The following SORL1 variants were observed in gnomAD, a reference collection of about 807,000 sequenced individuals.
SORL1 encodes sortilin related receptor 1.
A neutral mutation model predicts 273.7 loss-of-function variants in SORL1; 127 were observed. That is an observed-to-expected ratio of 0.46 (90% CI 0.40 to 0.54). The LOEUF (loss-of-function observed/expected upper bound fraction) is 0.54. Among genes scored for constraint, SORL1 ranks in the 20% least tolerant of loss-of-function variants. The pLI is 0.00. For missense variants in SORL1, 2,494 were observed against 2,846.1 expected, an observed-to-expected ratio of 0.88 and a Z score of 2.81; for synonymous variants, 1,031 against 1,067.4, an observed-to-expected ratio of 0.97 and a Z score of 0.66.
intron 24 of SORL1, among the ~76,000 whole-genome samples, chr11:121,576,535 A>G (rs1049399396): frequency 6.6e-6 from 1 of 152,270 alleles, no homozygotes; most frequent in South Asian, 2.1e-4. Context: ...CATATGAAGT[A>G]TAAACATTTG....
intron 2 of SORL1, among the ~76,000 whole-genome samples, chr11:121,471,189 G>A (rs567287006): frequency 6.6e-6 from 1 of 152,306 alleles, no homozygotes; most frequent in Non-Finnish European, 1.5e-5. Context: ...AAGGGCCTTT[G>A]GGGACCGGGA....
intron 22 of SORL1, among the ~76,000 whole-genome samples, chr11:121,567,532 G>A (rs943534222): frequency 2.0e-5 from 3 of 152,080 alleles, no homozygotes; most frequent in East Asian, 1.9e-4. Context: ...GACTCCTTCC[G>A]CGTTTACTCT....
At chr11:121,474,087 T>C (rs188828420) in intron 2 of SORL1, among the ~76,000 whole-genome samples, 155 of 152,322 alleles carry the variant, frequency 1.0e-3, no homozygotes, top group African/African-American at 3.5e-3. Context: ...TCAGAACACC[T>C]GGGCTGGAAT....
intron 12 of SORL1, among the ~76,000 whole-genome samples, chr11:121,535,851 C>T (rs1381884437): frequency 2.0e-5 from 3 of 152,092 alleles, no homozygotes; most frequent in Non-Finnish European, 4.4e-5. Context: ...CTTTGTTTTG[C>T]TCTTGTGTCT....
In SORL1 at chr11:121,452,563, C is replaced by G. The variant is rs772358955; in HGVS notation, c.232C>G (p.Arg78Gly). 1 of 1,513,848 alleles carries G rather than the reference C, an allele frequency of 6.6e-7. No individual in the cohort carries two copies. The highest frequency in any genetic ancestry group is 8.8e-7 in the Non-Finnish European group (1 of 1,138,368). The allele number at this position is 1,513,848 out of a possible 1,614,324, so 93.8% of individuals were successfully genotyped here. Residue 78 changes from arginine to glycine, a missense_variant, in exon 1 of 48, where the codon CGG (arginine) becomes GGG (glycine). Coordinates refer to ENST00000260197, the MANE Select transcript of SORL1 (RefSeq NM_003105.6). This position sits in a 1 kb window ranked among gnomAD's most constrained non-coding sequence, Gnocchi z 5.3. ...GAGCCGCGCGGACGAGAAGCCGCTC[C>G]GGAGGAAACGGAGCGCTGCCCTGCA... ...GASRADEKPL[R>G]RKRSAALQPE... is the part of the protein sequence containing the mutation.
chr11:121,625,340 G>T, intron 46 of SORL1, 63 bp downstream of exon 46: 1 of 1,312,416 alleles, frequency 7.6e-7, no homozygotes. Flanking sequence ...AATGTCATAT[G>T]GTTTCATGAC....
At position 121,627,987 on chromosome 11, in the gene SORL1, G is replaced by A. The variant is rs1341593207; in HGVS notation, c.6577+220G>A. On this transcript the variant is annotated intron_variant, in intron 47 of 47. Coordinates refer to ENST00000260197, the MANE Select transcript of SORL1 (RefSeq NM_003105.6). The surrounding 1 kb of genome is among the most constrained non-coding windows in gnomAD (Gnocchi z 4.9). The stretch of plus-strand genomic sequence containing the variant: ...ATGTTGTATTCTCTTTGATTGTGTA[G>A]TTCTGGCCTGAAACAGGGAGCTTGC... Among the ~76,000 whole-genome samples the A allele has an allele frequency of 1.3e-5, 2 of 152,150 alleles. No individual in the cohort carries two copies. Among genetic ancestry groups the A allele is most frequent in the African/African-American group, 4.8e-5 (2 of 41,428 alleles).
At chr11:121,586,757 T>TAGCCCCAGA (rs1863122301) in intron 27 of SORL1, among the ~76,000 whole-genome samples, 1 of 151,522 alleles carries the variant, frequency 6.6e-6, no homozygotes, top group African/African-American at 2.4e-5. Context: ...CAGTTTTCTT[T>TAGCCCCAGA]AGCCCCAGAA....
At chr11:121,585,408 G>A (rs544704770) in intron 26 of SORL1, among the ~76,000 whole-genome samples, 1 of 152,036 alleles carries the variant, frequency 6.6e-6, no homozygotes, top group Non-Finnish European at 1.5e-5. Context: ...GCTTGAGCAC[G>A]GGAGGTGGAG....
At position 121,459,898 on chromosome 11, in the gene SORL1, G is replaced by A. The variant is rs149547954; in HGVS notation, c.285+7282G>A. On this transcript the variant is annotated intron_variant, in intron 1 of 47. Coordinates refer to ENST00000260197, the MANE Select transcript of SORL1 (RefSeq NM_003105.6). ...GCATATAAACCTCCCCCACTTCTTG[G>A]CTGACCTTTTAACTTAGCTTGCCAT... 2.2e-3 allele frequency among the ~76,000 whole-genome samples: 331 copies of A among 152,270 alleles called. 1 individual carries two copies. The highest frequency in any genetic ancestry group is 7.2e-3 in the African/African-American group (299 of 41,548).
chr11:121,488,332 T>C, intron 4 of SORL1, 139 bp downstream of exon 4: 1 of 868,804 alleles, frequency 1.2e-6, no homozygotes, highest in South Asian at 1.7e-5. Flanking sequence ...GTAGCTACTA[T>C]TTCACTTACC....
Position 121,521,581 on chromosome 11 carries a change from T to C in SORL1, c.1404+732T>C, listed in dbSNP as rs138265334. On this transcript the variant is annotated intron_variant, in intron 9 of 47. Coordinates refer to ENST00000260197, the MANE Select transcript of SORL1 (RefSeq NM_003105.6). Reference sequence around the variant, plus strand: ...GAGTTTAGGTGGTGGAAGGAATGTATAGGAAATGGGTAAGTCTGATTACCT... The same window carrying C: ...GAGTTTAGGTGGTGGAAGGAATGTACAGGAAATGGGTAAGTCTGATTACCT... Among the ~76,000 whole-genome samples, 46 of 152,324 alleles carry C rather than the reference T, an allele frequency of 3.0e-4. 1 individual carries two copies. The East Asian group carries it at 8.5e-3, about 28-fold the overall frequency.
intron 21 of SORL1, among the ~76,000 whole-genome samples, chr11:121,564,210 G>A (rs1862720322): frequency 6.6e-6 from 1 of 152,108 alleles, no homozygotes; most frequent in South Asian, 2.1e-4. Flanking sequence ...CATAGGAGTT[G>A]GTGAATTACC....
intron 11 of SORL1, among the ~76,000 whole-genome samples, chr11:121,524,252 C>G (rs1019278554): frequency 6.6e-6 from 1 of 152,194 alleles, no homozygotes; most frequent in Non-Finnish European, 1.5e-5. Context: ...TGCGAATAGG[C>G]CTGTGGTTTG....
intron 1 of SORL1, among the ~76,000 whole-genome samples, chr11:121,456,521 A>G (rs963870082): frequency 1.3e-5 from 2 of 152,254 alleles, no homozygotes; most frequent in African/African-American, 4.8e-5. Flanking sequence ...GAGATGGCTC[A>G]TTCGGTAGTG....
chr11:121,591,556 G>C (rs1405732659), intron 31 of SORL1, among the ~76,000 whole-genome samples: 1 of 152,176 alleles, frequency 6.6e-6, no homozygotes, highest in South Asian at 2.1e-4. Flanking sequence ...CAGCTTGCTA[G>C]TTGGCCGGCC....
chr11:121,485,599 A>T (rs893311733), intron 3 of SORL1, among the ~76,000 whole-genome samples: 1 of 152,220 alleles, frequency 6.6e-6, no homozygotes, highest in African/African-American at 2.4e-5. Context: ...AATACATTCT[A>T]TGACGGGGTG....
At chr11:121,514,871 G>C (rs760319751) in intron 8 of SORL1, among the ~76,000 whole-genome samples, 3 of 152,220 alleles carry the variant, frequency 2.0e-5, no homozygotes, top group Non-Finnish European at 4.4e-5. Flanking sequence ...CACCCATCAA[G>C]GGGTGGTGGA....
At chr11:121,461,902 T>C (rs1861006453) in intron 1 of SORL1, among the ~76,000 whole-genome samples, 1 of 152,222 alleles carries the variant, frequency 6.6e-6, no homozygotes. Context: ...AAAGAAATGA[T>C]GTTTTAGTGC....
Sources: allele counts gnomAD v4.1 joint callset (sites outside exome capture counted in the v4.1 genomes callset), GRCh38; gene constraint gnomAD v4.1.1; non-coding constraint Gnocchi (gnomAD v3.1); transcripts MANE v1.5; gene names NCBI Gene and HGNC (gene_info 2026-07-23, HGNC 2026-07-21).